Variants in AKAP13 observed in about 807,000 individuals in gnomAD.
AKAP13 encodes the protein A-kinase anchor protein 13.
A neutral mutation model predicts 264.5 loss-of-function variants in AKAP13; 80 were observed. That is an observed-to-expected ratio of 0.30 (90% CI 0.25 to 0.36). AKAP13 has a LOEUF of 0.36. AKAP13 is among the 10% of genes least tolerant of loss of function. The probability of loss-of-function intolerance (pLI) is 1.00; values close to 1 mark genes in which losing one functional copy is unlikely to be tolerated. For synonymous variants in AKAP13, 1,380 were observed against 1,250.2 expected (o/e 1.10, Z -2.19); for missense variants, 3,712 against 3,435.2 (o/e 1.08, Z -2.01).
intron 8 of AKAP13, among the ~76,000 whole-genome samples, chr15:85,628,095 C>T (rs531259729): frequency 6.6e-6 from 1 of 152,212 alleles, no homozygotes; most frequent in African/African-American, 2.4e-5. Flanking sequence ...ACTTATAGGC[C>T]ATGGTTTGTG....
chr15:85,685,709 G>C (rs1449196287), intron 16 of AKAP13, among the ~76,000 whole-genome samples: 1 of 152,132 alleles, frequency 6.6e-6, no homozygotes, highest in Non-Finnish European at 1.5e-5. Context: ...GTCTAGGCCG[G>C]TCTAATGCCT....
intron 1 of AKAP13, among the ~76,000 whole-genome samples, chr15:85,466,878 T>G (rs558857247): frequency 6.6e-6 from 1 of 152,326 alleles, no homozygotes; most frequent in African/African-American, 2.4e-5. Flanking sequence ...TTTTGTCCAC[T>G]GCTATTTTTA....
At chr15:85,648,040 A>G (rs1032468827) in intron 10 of AKAP13, among the ~76,000 whole-genome samples, 8 of 152,130 alleles carry the variant, frequency 5.3e-5, no homozygotes, top group Non-Finnish European at 8.8e-5. Flanking sequence ...TTTTTTAATA[A>G]TATCAGAATT....
intron 1 of AKAP13, among the ~76,000 whole-genome samples, chr15:85,455,515 A>G (rs547734310): frequency 1.9e-4 from 29 of 152,260 alleles, no homozygotes; most frequent in African/African-American, 7.0e-4. Flanking sequence ...ACTTATAGCC[A>G]CCATGACGTC....
chr15:85,394,195 T>C (rs1185718356), intron 1 of AKAP13, among the ~76,000 whole-genome samples: 2 of 152,240 alleles, frequency 1.3e-5, no homozygotes, highest in African/African-American at 4.8e-5. Context: ...AAGCAAGCCC[T>C]CAGTAAGAAA....
intron 30 of AKAP13, among the ~76,000 whole-genome samples, chr15:85,732,589 G>A (rs901613423): frequency 6.7e-6 from 1 of 150,088 alleles, no homozygotes; most frequent in African/African-American, 2.4e-5. Context: ...TACAGTGTTT[G>A]TTTTTTTAAC....
chr15:85,575,860 C>G (rs2078992960), intron 6 of AKAP13, among the ~76,000 whole-genome samples: 1 of 152,174 alleles, frequency 6.6e-6, no homozygotes, highest in Non-Finnish European at 1.5e-5. Flanking sequence ...GTGGCGTACG[C>G]CTATAGTCCC....
At position 85,585,836 on chromosome 15, in the gene AKAP13, A is replaced by C. The variant is rs762117548; in HGVS notation, c.4161+13A>C. On this transcript the variant is annotated intron_variant, in intron 8 of 36. Transcript: ENST00000394518. ...AATGACCCAGGCGGTAAGTGGCATC[A>C]GTAAGTCTATAAGGGCACAAAATGT... 17 of 1,613,722 alleles carry C rather than the reference A, an allele frequency of 1.1e-5. No individual in the cohort carries two copies. The highest frequency in any genetic ancestry group is 1.4e-5 in the Non-Finnish European group (17 of 1,179,894).
intron 1 of AKAP13, among the ~76,000 whole-genome samples, chr15:85,445,672 A>C (rs937689703): frequency 6.6e-6 from 1 of 151,320 alleles, no homozygotes; most frequent in Non-Finnish European, 1.5e-5. Context: ...AAAGATGCCA[A>C]CTGTCTGTGA....
At position 85,631,744 on chromosome 15, in the gene AKAP13, G is replaced by A. The variant is rs563867448; in HGVS notation, c.4162-7630G>A. 2.0e-5 allele frequency among the ~76,000 whole-genome samples: 3 copies of A among 152,108 alleles called. No homozygotes were observed. The South Asian group carries it at 6.2e-4, about 32-fold the overall frequency. On this transcript the variant is annotated intron_variant, in intron 8 of 36. Coordinates refer to ENST00000394518, the MANE Select transcript of AKAP13 (RefSeq NM_007200.5). ...GGAGAAACCAGTGAGGAAGGGAGTGGGGATAAACGGGAACTTTCTGTGCTG... is the reference window on the plus strand; with the variant it reads ...GGAGAAACCAGTGAGGAAGGGAGTGAGGATAAACGGGAACTTTCTGTGCTG...
chr15:85,401,544 C>T (rs184127794), intron 1 of AKAP13, among the ~76,000 whole-genome samples: 1 of 152,250 alleles, frequency 6.6e-6, no homozygotes, highest in African/African-American at 2.4e-5. Context: ...TTACTGTTTC[C>T]TCCCCCTGGT....
Position 85,544,108 on chromosome 15 carries a change from G to T in AKAP13, c.662+153G>T, listed in dbSNP as rs567402491. On this transcript the variant is annotated intron_variant, in intron 5 of 36. Transcript: ENST00000394518. ...CCTTCTGCTGGAGGTTTGTAAGCTT[G>T]CTCCTGCTAACCACTTCATTGTCTG... The T allele has an allele frequency of 1.2e-5, 11 of 896,744 alleles. No individual in the cohort carries two copies. The East Asian group carries it at 2.9e-4, about 24-fold the overall frequency. The allele number at this position is 896,744 out of a possible 1,614,324, so 55.5% of individuals were successfully genotyped here. A position where few individuals can be genotyped will look rare whatever the true frequency, so the allele number is the denominator to read the frequency against.
intron 1 of AKAP13, among the ~76,000 whole-genome samples, chr15:85,392,499 C>T (rs559442263): frequency 2.6e-5 from 4 of 152,092 alleles, no homozygotes; most frequent in Admixed American, 6.5e-5. Flanking sequence ...GCGATCCACC[C>T]GCCTTGGCCT....
At chr15:85,478,716 G>A (rs917960630) in intron 1 of AKAP13, among the ~76,000 whole-genome samples, 4 of 151,380 alleles carry the variant, frequency 2.6e-5, no homozygotes, top group African/African-American at 7.3e-5. Flanking sequence ...CCAACCCCTC[G>A]CCTTACCCAT....
chr15:85,592,560 A>G (rs1481997625), intron 8 of AKAP13, among the ~76,000 whole-genome samples: 1 of 152,192 alleles, frequency 6.6e-6, no homozygotes, highest in East Asian at 1.9e-4. Context: ...CCACTTTCTG[A>G]GTTGCCAGAA....
At chr15:85,697,556 G>T (rs796926628) in intron 17 of AKAP13, among the ~76,000 whole-genome samples, 1 of 152,110 alleles carries the variant, frequency 6.6e-6, no homozygotes, top group South Asian at 2.1e-4. Flanking sequence ...GTGACATAGC[G>T]AGACTCCATC....
chr15:85,414,500 G>A lies in AKAP13; in HGVS notation c.-12+33702G>A, dbSNP rs577073208. On this transcript the variant is annotated intron_variant, in intron 1 of 36. Transcript: ENST00000394518. ...TACATACACAAAAATGAGGGGTAGT[G>A]AGATTTAGATGATGATATAGAGAAT... 1.2e-4 allele frequency among the ~76,000 whole-genome samples: 18 copies of A among 152,300 alleles called. 1 individual carries two copies. In the East Asian group the frequency reaches 3.3e-3, roughly 28 times the overall value.
intron 17 of AKAP13, among the ~76,000 whole-genome samples, chr15:85,695,418 A>C (rs907599953): frequency 4.6e-5 from 7 of 152,074 alleles, no homozygotes; most frequent in Admixed American, 6.6e-5. Context: ...AAACACACAC[A>C]AAAAAACGTG....
rs987959394 is a variant in AKAP13 at position 85,724,960 on chromosome 15, G to A, written c.6746-1450G>A. 3.3e-5 allele frequency among the ~76,000 whole-genome samples: 5 copies of A among 152,162 alleles called. No individual in the cohort carries two copies. The highest frequency in any genetic ancestry group is 1.2e-4 in the African/African-American group (5 of 41,430). On this transcript the variant is annotated intron_variant, in intron 26 of 36. Coordinates refer to ENST00000394518, the MANE Select transcript of AKAP13 (RefSeq NM_007200.5). This position sits in a 1 kb window ranked among gnomAD's most constrained non-coding sequence, Gnocchi z 4.2. ...CCCTCCAGTCTTAATATTCCATGATGTTCTGAGAGCCCTAGCTCTCTTTGA... is the reference window on the plus strand; with the variant it reads ...CCCTCCAGTCTTAATATTCCATGATATTCTGAGAGCCCTAGCTCTCTTTGA...
Sources: allele counts gnomAD v4.1 joint callset (sites outside exome capture counted in the v4.1 genomes callset), GRCh38; gene constraint gnomAD v4.1.1; non-coding constraint Gnocchi (gnomAD v3.1); transcripts MANE v1.5; gene names NCBI Gene and HGNC (gene_info 2026-07-23, HGNC 2026-07-21).